SCNN1B: variants seen among roughly 807,000 people sequenced by gnomAD.
SCNN1B encodes sodium channel epithelial 1 subunit beta.
A neutral mutation model predicts 65.3 loss-of-function variants in SCNN1B; 46 were observed. The observed-to-expected ratio is 0.70, with a 90% CI of 0.56 to 0.90. SCNN1B has a LOEUF of 0.90. SCNN1B is among the 40% of genes least tolerant of loss of function. SCNN1B has a pLI of 0.00. For missense variants in SCNN1B, 751 were observed against 830.5 expected (o/e 0.90, Z 1.18); for synonymous variants, 349 against 330.6 (o/e 1.06, Z -0.60).
chr16:23,371,037 A>G (rs1020349588), intron 5 of SCNN1B, among the ~76,000 whole-genome samples: 1 of 152,204 alleles, frequency 6.6e-6, no homozygotes, highest in Admixed American at 6.5e-5. Flanking sequence ...TGCCTCCTTG[A>G]TCTACCTCCT....
chr16:23,375,781 G>A lies in SCNN1B; in HGVS notation c.1196G>A (p.Cys399Tyr), dbSNP rs1417287308. Reference protein sequence around the residue: ...SCFQDHMIRNCNCGHYLYPLP... With the variant: ...SCFQDHMIRNYNCGHYLYPLP... The stretch of plus-strand genomic sequence containing the variant: ...TTCCAAGACCACATGATCCGTAACT[G>A]CAACTGTGGCCACTACCTGTACCCA... The change falls in exon 8 of 13, where the codon TGC becomes TAC. Residue 399 changes from cysteine to tyrosine, a missense_variant. Cys to Tyr is a radical substitution (Grantham distance 194). Coordinates refer to ENST00000343070, the MANE Select transcript of SCNN1B (RefSeq NM_000336.3). The A allele has an allele frequency of 1.2e-6, 2 of 1,614,002 alleles. No individual in the cohort carries two copies. Among genetic ancestry groups the A allele is most frequent in the Non-Finnish European group, 1.7e-6 (2 of 1,179,998 alleles).
At chr16:23,291,678 G>A (rs926753843) in intron 2 of SCNN1B, among the ~76,000 whole-genome samples, 2 of 151,322 alleles carry the variant, frequency 1.3e-5, no homozygotes, top group African/African-American at 4.9e-5. Flanking sequence ...AGGTTTGGGC[G>A]ATCCTCTTGC....
At chr16:23,311,069 G>A (rs577933336) in intron 1 of SCNN1B, among the ~76,000 whole-genome samples, 7 of 152,230 alleles carry the variant, frequency 4.6e-5, no homozygotes, top group East Asian at 1.9e-4. Flanking sequence ...AGGGCGGTTC[G>A]GCAAACATGT....
chr16:23,330,513 G>T (rs976716068), intron 1 of SCNN1B, among the ~76,000 whole-genome samples: 3 of 152,150 alleles, frequency 2.0e-5, no homozygotes. Context: ...TCTGTGCAGT[G>T]CCTGAGGGGC....
In SCNN1B at chr16:23,350,704, G is replaced by A. The variant is rs377606016; in HGVS notation, c.311+1794G>A. Among the ~76,000 whole-genome samples the A allele has an allele frequency of 5.3e-5, 8 of 152,278 alleles. No individual in the cohort carries two copies. In the East Asian group the frequency reaches 1.5e-3, roughly 29 times the overall value. On this transcript the variant is annotated intron_variant, in intron 2 of 12. Transcript: ENST00000343070. ...AAAGCGAGTGGATTACTTGAGGTCA[G>A]GAGTTCGAGACCAGCCTGCCCAACA...
upstream of SCNN1B, among the ~76,000 whole-genome samples, chr16:23,299,324 TGCTAGGATTACA>T (rs763373666): frequency 3.9e-5 from 6 of 152,104 alleles, no homozygotes; most frequent in Non-Finnish European, 8.8e-5. Flanking sequence ...CCTCCCAAAG[TGCTAGGATTACA>T]GGCATTAGCC....
At chr16:23,291,432 G>A (rs531738837) in intron 2 of SCNN1B, among the ~76,000 whole-genome samples, 1 of 149,962 alleles carries the variant, frequency 6.7e-6, no homozygotes, top group African/African-American at 2.5e-5. Flanking sequence ...TGTAATTTTT[G>A]TTCTACATTT....
chr16:23,316,186 C>T (rs1392950219), intron 1 of SCNN1B, among the ~76,000 whole-genome samples: 5 of 151,570 alleles, frequency 3.3e-5, no homozygotes, highest in African/African-American at 1.2e-4. Context: ...TCACCACCAT[C>T]ATCCCCATCA....
chr16:23,369,521 G>A (rs1002238187), intron 5 of SCNN1B, among the ~76,000 whole-genome samples: 7 of 152,164 alleles, frequency 4.6e-5, no homozygotes, highest in African/African-American at 1.4e-4. Context: ...GAGAGGGGCT[G>A]GTGGACTCAG....
At chr16:23,294,619 T>C (rs1216807162) in intron 2 of SCNN1B, among the ~76,000 whole-genome samples, 2 of 152,164 alleles carry the variant, frequency 1.3e-5, no homozygotes, top group Non-Finnish European at 2.9e-5. Context: ...TACATTCTTC[T>C]TCCAGATATC....
chr16:23,322,286 A>C (rs1210696241), intron 1 of SCNN1B, among the ~76,000 whole-genome samples: 3 of 151,978 alleles, frequency 2.0e-5, no homozygotes, highest in Non-Finnish European at 4.4e-5. Flanking sequence ...GGAATGGCAT[A>C]AGCAATTTAA....
chr16:23,312,335 A>T (rs1022294712), intron 1 of SCNN1B, among the ~76,000 whole-genome samples: 22 of 152,272 alleles, frequency 1.4e-4, no homozygotes, highest in African/African-American at 5.1e-4. Flanking sequence ...GTACCAGGAC[A>T]GGCTGTTTGT....
intron 5 of SCNN1B, among the ~76,000 whole-genome samples, chr16:23,368,432 C>T (rs1567314926): frequency 6.6e-6 from 1 of 152,080 alleles, no homozygotes; most frequent in Admixed American, 6.5e-5. Context: ...GTCCCAGCTA[C>T]TCAGGAGGCT....
intron 1 of SCNN1B, among the ~76,000 whole-genome samples, chr16:23,335,750 A>ATT (rs56950176): frequency 4.0e-4 from 59 of 146,554 alleles, no homozygotes; most frequent in African/African-American, 1.4e-3. Context: ...CCCGGCCTCT[A>ATT]TTTTTTTTTT....
chr16:23,329,932 G>A (rs553745429), intron 1 of SCNN1B, among the ~76,000 whole-genome samples: 5 of 152,044 alleles, frequency 3.3e-5, no homozygotes, highest in East Asian at 3.9e-4. Context: ...AGACTGAGGC[G>A]GGAGAATCAC....
chr16:23,303,841 C>T (rs1961137125), intron 1 of SCNN1B: 2 of 577,554 alleles, frequency 3.5e-6, no homozygotes, highest in African/African-American at 3.7e-5. Context: ...ATCGCTTGAA[C>T]CCAGGAGGTG....
chr16:23,325,851 G>C (rs922087258), intron 1 of SCNN1B, among the ~76,000 whole-genome samples: 1 of 151,502 alleles, frequency 6.6e-6, no homozygotes, highest in Non-Finnish European at 1.5e-5. Flanking sequence ...CCATGAGTTT[G>C]AGACCAGCCT....
chr16:23,377,621 CCTTCATT>C (rs2142046158), intron 10 of SCNN1B, among the ~76,000 whole-genome samples: 1 of 106,318 alleles, frequency 9.4e-6, no homozygotes, highest in African/African-American at 3.8e-5. Flanking sequence ...TTTCTTCCTT[CCTTCATT>C]CCTTCTCCCT....
intron 1 of SCNN1B, among the ~76,000 whole-genome samples, chr16:23,338,970 T>G (rs532395980): frequency 1.2e-4 from 19 of 152,332 alleles, no homozygotes; most frequent in African/African-American, 4.6e-4. Context: ...CACCATCCCA[T>G]TCAAGATCTA....
Sources: allele counts gnomAD v4.1 joint callset (sites outside exome capture counted in the v4.1 genomes callset), GRCh38; gene constraint gnomAD v4.1.1; transcripts MANE v1.5; gene names NCBI Gene and HGNC (gene_info 2026-07-23, HGNC 2026-07-21).